Variants in HSPG2 observed in about 807,000 individuals in gnomAD.
HSPG2 encodes the protein heparan sulfate proteoglycan 2.
In HSPG2, 278 loss-of-function variants were observed where a neutral mutation model predicts 526.6. The ratio of observed to expected loss-of-function variants is 0.53; its 90% CI spans 0.48 to 0.58. HSPG2 has a LOEUF of 0.58. HSPG2 is among the 20% of genes least tolerant of loss of function. The pLI is 0.00. For synonymous variants in HSPG2, 2,465 were observed against 2,555.4 expected, an observed-to-expected ratio of 0.96 and a Z score of 1.07; for missense variants, 5,354 against 6,099.5, an observed-to-expected ratio of 0.88 and a Z score of 4.07.
chr1:21,829,870 C>T (rs1013257933), intron 86 of HSPG2, 123 bp downstream of exon 86: 12 of 933,624 alleles, frequency 1.3e-5, no homozygotes, highest in Non-Finnish European at 2.0e-5. Flanking sequence ...CAGGTGACTT[C>T]GAGATCCTCT....
rs1640710206 is a variant in HSPG2, at chr1:21,872,306, C to T, written c.4101G>A (p.Leu1367=). ...ALVNPQRNSR[L]TGEFTVEPVP... ...CGGGTTCCACAGTGAATTCTCCTGT[C>T]AGGCGGCTGTTTCGCTGTGGGTTCA... Residue 1367 remains leucine, a synonymous_variant, in exon 33 of 97, where the codon CTG becomes CTA. Transcript: ENST00000374695. This position sits in a 1 kb window ranked among gnomAD's most constrained non-coding sequence, Gnocchi z 5.5. 6.4e-7 allele frequency: 1 copy of T among 1,572,944 alleles called. No homozygotes were observed. Among genetic ancestry groups the T allele is most frequent in the Non-Finnish European group, 8.6e-7 (1 of 1,158,948 alleles).
Position 21,824,121 on chromosome 1 carries a change from C to T in HSPG2, c.12899G>A (p.Arg4300Gln), listed in dbSNP as rs933132139. 8 of 1,612,768 alleles carry T rather than the reference C, an allele frequency of 5.0e-6. No homozygotes were observed. The highest frequency in any genetic ancestry group is 3.3e-5 in the Admixed American group (2 of 59,976). Residue 4300 changes from arginine to glutamine, a missense_variant and splice_region_variant, in exon 95 of 97, where the codon CGG becomes CAG. Coordinates refer to ENST00000374695, the MANE Select transcript of HSPG2 (RefSeq NM_005529.7). This position sits in a 1 kb window ranked among gnomAD's most constrained non-coding sequence, Gnocchi z 5.9. The part of the protein sequence containing the change: ...DGEWHRVTAL[R>Q]EGRRGSIQVD... ...CCGAGTGCCCGGCAGGGTCCCTTAC[C>T]GCAGTGCTGTCACCCGGTGCCACTC...
chr1:21,850,953 T>G (rs1014118786), intron 55 of HSPG2, among the ~76,000 whole-genome samples: 1 of 151,818 alleles, frequency 6.6e-6, no homozygotes, highest in Non-Finnish European at 1.5e-5. Flanking sequence ...ATTTTAATCT[T>G]TAAGATAATT....
intron 74 of HSPG2, 150 bp from the exon 75 acceptor site, chr1:21,837,156 G>T (rs2098029774): frequency 2.7e-6 from 2 of 743,472 alleles, no homozygotes; most frequent in Admixed American, 4.0e-5. Flanking sequence ...TTCAGTGGCA[G>T]ATTCATTCAT....
intron 25 of HSPG2, 190 bp from the exon 26 acceptor site, chr1:21,875,192 A>G: frequency 1.6e-6 from 1 of 642,776 alleles, no homozygotes; most frequent in Non-Finnish European, 2.8e-6. Context: ...ACTCCAAACC[A>G]TCACCCTTCC....
Position 21,879,104 on chromosome 1 carries a change from C to T in HSPG2, c.2361G>A (p.Thr787=), listed in dbSNP as rs750614056. The T allele has an allele frequency of 5.6e-6, 9 of 1,614,112 alleles. No individual in the cohort carries two copies. Among genetic ancestry groups the T allele is most frequent in the African/African-American group, 1.3e-5 (1 of 74,932 alleles). ...YGHCLNCQHN[T]EGPQCNKCKA... ...TGCACTTGTTGCACTGTGGCCCCTCCGTGTTGTGCTGGCAATTCTAGAAGA... is the reference window on the plus strand; with the variant it reads ...TGCACTTGTTGCACTGTGGCCCCTCTGTGTTGTGCTGGCAATTCTAGAAGA... Residue 787 remains threonine (T), a synonymous_variant, in exon 18 of 97, where the codon ACG becomes ACA. Transcript: ENST00000374695.
At chr1:21,899,987 T>C (rs1643002678) in intron 1 of HSPG2, among the ~76,000 whole-genome samples, 1 of 152,218 alleles carries the variant, frequency 6.6e-6, no homozygotes, top group Admixed American at 6.5e-5. Flanking sequence ...GAGCTGGCAG[T>C]GGCCTGGGAC....
rs1419855424 is a variant in HSPG2 at position 21,880,141 on chromosome 1, G to A, written c.2309C>T (p.Ala770Val). 6.2e-7 allele frequency: 1 copy of A among 1,614,116 alleles called. No homozygotes were observed. Among genetic ancestry groups the A allele is most frequent in the South Asian group, 1.1e-5 (1 of 91,086 alleles). Residue 770 changes from alanine (A) to valine (V), a missense_variant, in exon 17 of 97, where the codon GCC becomes GTC. Transcript: ENST00000374695. ...TCSGCNCNGHASSCDPVYGHC... is the reference protein window; with the variant it reads ...TCSGCNCNGHVSSCDPVYGHC... ...GCCATACACAGGGTCACAGGAGCTG[G>A]CATGGCCATTGCAATTGCAACCAGA...
At chr1:21,900,110 T>C (rs2152777306) in intron 1 of HSPG2, among the ~76,000 whole-genome samples, 1 of 152,224 alleles carries the variant, frequency 6.6e-6, no homozygotes, top group East Asian at 1.9e-4. Context: ...GAGCCCGGCT[T>C]CCTCCCAGAG....
At position 21,836,852 on chromosome 1, in the gene HSPG2, C is replaced by T; in HGVS notation, c.10305G>A (p.Lys3435=). Reference sequence around the variant, plus strand: ...GACCCGGAGGCAGCTGACCCCCTTCCTTGAACCAACGGAGCTGGGTACCCC... The same window carrying T: ...GACCCGGAGGCAGCTGACCCCCTTCTTTGAACCAACGGAGCTGGGTACCCC... The part of the protein sequence containing the change: ...SDRGTQLRWF[K]EGGQLPPGHS... Residue 3435 remains lysine (K), a synonymous_variant, in exon 75 of 97, where the codon AAG becomes AAA. Coordinates refer to ENST00000374695, the MANE Select transcript of HSPG2 (RefSeq NM_005529.7). The T allele has an allele frequency of 6.3e-7, 1 of 1,582,532 alleles. No homozygotes were observed. The highest frequency in any genetic ancestry group is 2.3e-5 in the East Asian group (1 of 43,370).
chr1:21,839,850 G>A lies in HSPG2; in HGVS notation c.9681C>T (p.His3227=), dbSNP rs886043834. 2 of 1,613,960 alleles carry A rather than the reference G, an allele frequency of 1.2e-6. No individual in the cohort carries two copies. The highest frequency in any genetic ancestry group is 1.7e-4 in the Middle Eastern group (1 of 5,914). Residue 3227 remains histidine (H), a synonymous_variant, in exon 72 of 97, where the codon CAC becomes CAT. Coordinates refer to ENST00000374695, the MANE Select transcript of HSPG2 (RefSeq NM_005529.7). This position sits in a 1 kb window ranked among gnomAD's most constrained non-coding sequence, Gnocchi z 4.5. ...EEAELTVEAG[H]TATLRCSATG... ...TGGCTGAGCAGCGCAAGGTGGCCGT[G>A]TGTCCAGCCTCCACAGTCAGCTCAG... is the stretch of plus-strand genomic sequence containing the variant.
chr1:21,896,977 C>T (rs908170276), intron 1 of HSPG2, among the ~76,000 whole-genome samples: 1 of 152,208 alleles, frequency 6.6e-6, no homozygotes. Flanking sequence ...TGGGGACAGG[C>T]GTGGTGTCAA....
intron 13 of HSPG2, among the ~76,000 whole-genome samples, chr1:21,883,907 G>C (rs1641684105): frequency 6.6e-6 from 1 of 152,148 alleles, no homozygotes; most frequent in South Asian, 2.1e-4. Context: ...CTCTATCTTT[G>C]GGAAAATAGG....
At chr1:21,849,973 C>T (rs977296340) in intron 57 of HSPG2, 68 bp downstream of exon 57, 11 of 1,594,442 alleles carry the variant, frequency 6.9e-6, no homozygotes, top group Admixed American at 5.0e-5. Flanking sequence ...CCACTGCGCC[C>T]GGTCAAGCCT....
intron 33 of HSPG2, chr1:21,870,690 C>T (rs1311040004): frequency 1.4e-5 from 5 of 345,216 alleles, no homozygotes; most frequent in African/African-American, 2.2e-5. Context: ...TGGCTCCAAC[C>T]CTGGGGTCAT....
Position 21,878,942 on chromosome 1 carries a change from C to A in HSPG2, c.2471+52G>T, listed in dbSNP as rs1641300591. 3.1e-6 allele frequency: 5 copies of A among 1,590,856 alleles called. No homozygotes were observed. The South Asian group carries it at 5.6e-5, about 18-fold the overall frequency. Reference sequence around the variant, plus strand: ...CCTCCCTGCCCAGAATATTCTCTGGCCTGTTGCACTGTCCCCAGCCAAACC... The same window carrying A: ...CCTCCCTGCCCAGAATATTCTCTGGACTGTTGCACTGTCCCCAGCCAAACC... On this transcript the variant is annotated intron_variant, in intron 18 of 96. Coordinates refer to ENST00000374695, the MANE Select transcript of HSPG2 (RefSeq NM_005529.7).
In HSPG2 at chr1:21,872,231, A is replaced by G. The variant is rs62642526; in HGVS notation, c.4176T>C (p.His1392=). The change falls in exon 33 of 97, where the codon CAT becomes CAC. Residue 1392 remains histidine (H), a synonymous_variant. Coordinates refer to ENST00000374695, the MANE Select transcript of HSPG2 (RefSeq NM_005529.7). This position sits in a 1 kb window ranked among gnomAD's most constrained non-coding sequence, Gnocchi z 5.5. ...CCGGCAGCTGCCAGTAGAAGGACTC[A>G]TGGCCGAGTTGGGCAAAGTTGCCAA... ...LSFGNFAQLG[H]ESFYWQLPET... is the part of the protein sequence containing the mutation. The G allele has an allele frequency of 7.3e-4, 1,137 of 1,552,482 alleles. 6 individuals carry two copies. The African/African-American group carries it at 0.013, about 18-fold the overall frequency.
At chr1:21,883,586 A>C (rs2152758129) in intron 13 of HSPG2, among the ~76,000 whole-genome samples, 1 of 152,278 alleles carries the variant, frequency 6.6e-6, no homozygotes, top group East Asian at 1.9e-4. Flanking sequence ...CAGCCTCCCA[A>C]AGTACTTGGA....
Position 21,836,900 on chromosome 1 carries a change from G to T in HSPG2, c.10257C>A (p.Phe3419Leu). 1 of 1,566,314 alleles carries T rather than the reference G, an allele frequency of 6.4e-7. No homozygotes were observed. Among genetic ancestry groups the T allele is most frequent in the Non-Finnish European group, 8.7e-7 (1 of 1,155,256 alleles). Reference sequence around the variant, plus strand: ...CCCGGTCGCTGGGCACAGCACAGTGGAACTCAACGCTGGCCCCAATGCTCT... The same window carrying T: ...CCCGGTCGCTGGGCACAGCACAGTGTAACTCAACGCTGGCCCCAATGCTCT... ...ETKSIGASVE[F>L]HCAVPSDRGT... The change falls in exon 75 of 97, where the codon TTC becomes TTA. Residue 3419 changes from phenylalanine to leucine, a missense_variant. Transcript: ENST00000374695.
Sources: gnomAD v4.1 joint callset for allele counts (sites outside exome capture counted in the v4.1 genomes callset) on GRCh38, gnomAD v4.1.1 for gene constraint, Gnocchi (gnomAD v3.1) non-coding constraint, MANE v1.5 for transcripts, NCBI Gene and HGNC (gene_info 2026-07-23, HGNC 2026-07-21) for gene names.